The following LAMA3 variants were observed in gnomAD, a reference collection of about 807,000 sequenced individuals.
The protein encoded by LAMA3 is laminin subunit alpha 3.
A neutral mutation model predicts 402.0 loss-of-function variants in LAMA3; 281 were observed. The ratio of observed to expected loss-of-function variants is 0.70; its 90% CI spans 0.63 to 0.77. LAMA3 has a LOEUF of 0.77. LAMA3 is among the 30% of genes least tolerant of loss of function. LAMA3 has a pLI of 0.00. For missense variants in LAMA3, 3,840 were observed against 4,215.5 expected (o/e 0.91, Z 2.47); for synonymous variants, 1,431 against 1,558.4 (o/e 0.92, Z 1.93).
intron 11 of LAMA3, 95 bp from the exon 12 acceptor site, chr18:23,783,928 A>T: frequency 6.9e-7 from 1 of 1,455,848 alleles, no homozygotes; most frequent in Non-Finnish European, 9.6e-7. Flanking sequence ...ATAATTAATA[A>T]TCTATATTCC....
intron 42 of LAMA3, among the ~76,000 whole-genome samples, chr18:23,892,301 T>A (rs1320377103): frequency 6.6e-6 from 1 of 152,200 alleles, no homozygotes; most frequent in Non-Finnish European, 1.5e-5. Flanking sequence ...ATGAGGATAG[T>A]AACTATTTGT....
At chr18:23,810,876 G>A (rs1346378877) in intron 13 of LAMA3, among the ~76,000 whole-genome samples, 10 of 152,054 alleles carry the variant, frequency 6.6e-5, no homozygotes, top group Non-Finnish European at 1.5e-5. Flanking sequence ...GCCTTCTTTC[G>A]CTCCCAGCTT....
At position 23,689,936 on chromosome 18, in the gene LAMA3, G is replaced by A; in HGVS notation, c.253G>A (p.Val85Ile). The A allele has an allele frequency of 3.3e-6, 5 of 1,525,594 alleles. No individual in the cohort carries two copies. The highest frequency in any genetic ancestry group is 5.2e-5 in the East Asian group (2 of 38,444). 94.5% of individuals were successfully genotyped at this position (1,525,594 alleles called of 1,614,324 possible). Reference sequence around the variant, plus strand: ...CCAGCCCGAGCTCTACTGCAAGTTGGTCGGGGGCCCCACCGCCCCAGGCAG... The same window carrying A: ...CCAGCCCGAGCTCTACTGCAAGTTGATCGGGGGCCCCACCGCCCCAGGCAG... ...RPQPELYCKL[V>I]GGPTAPGSGH... The change falls in exon 1 of 75, where the codon GTC becomes ATC. Residue 85 changes from valine to isoleucine, a missense_variant. Transcript: ENST00000313654.
chr18:23,858,837 T>A lies in LAMA3; in HGVS notation c.4422+8T>A. 1 of 1,613,964 alleles carries A rather than the reference T, an allele frequency of 6.2e-7. No homozygotes were observed. The highest frequency in any genetic ancestry group is 1.1e-5 in the South Asian group (1 of 91,086). ...CATAAGCGAAGGACTAAGGTATGCA[T>A]TGACAGAAAGTGCTGGGGAACATTT... On this transcript the variant is annotated splice_region_variant and intron_variant, in intron 34 of 74. Coordinates refer to ENST00000313654, the MANE Select transcript of LAMA3 (RefSeq NM_198129.4).
chr18:23,912,986 G>A (rs528391156), intron 56 of LAMA3, 105 bp downstream of exon 56: 17 of 1,063,512 alleles, frequency 1.6e-5, no homozygotes, highest in African/African-American at 4.6e-5. Flanking sequence ...AGCACAGCAG[G>A]CAGAAATCCT....
intron 1 of LAMA3, among the ~76,000 whole-genome samples, chr18:23,709,215 C>A (rs1400255116): frequency 3.9e-5 from 6 of 152,044 alleles, no homozygotes; most frequent in Admixed American, 1.3e-4. Flanking sequence ...GGACTACAGG[C>A]AGGCACCACC....
At chr18:23,773,400 G>T (rs2062243933) in intron 8 of LAMA3, 97 bp from the exon 9 acceptor site, 2 of 806,022 alleles carry the variant, frequency 2.5e-6, no homozygotes, top group African/African-American at 1.7e-5. Flanking sequence ...AATTACAATT[G>T]TATATGACAG....
intron 64 of LAMA3, among the ~76,000 whole-genome samples, chr18:23,930,303 G>T (rs2082125531): frequency 1.3e-5 from 2 of 152,202 alleles, no homozygotes; most frequent in South Asian, 4.1e-4. Context: ...CAAAAATAAT[G>T]ACTAGGAAAT....
rs45567535 is a variant in LAMA3 at position 23,763,175 on chromosome 18, A to T, written c.1064-230A>T. 0.17 allele frequency among the ~76,000 whole-genome samples: 25,921 copies of T among 151,718 alleles called. 3,266 individuals carry two copies. Among genetic ancestry groups the T allele is most frequent in the East Asian group, 0.57 (2,921 of 5,124 alleles). On this transcript the variant is annotated intron_variant, in intron 7 of 74. Transcript: ENST00000313654. Reference sequence around the variant, plus strand: ...GCCTAGCCCCAAGTAGTATTTTTTTAAAAAAAGAGAAACTTCGCTCATGGA... The same window carrying T: ...GCCTAGCCCCAAGTAGTATTTTTTTTAAAAAAGAGAAACTTCGCTCATGGA...
chr18:23,903,399 T>C (rs979525904), intron 49 of LAMA3, among the ~76,000 whole-genome samples: 1 of 152,250 alleles, frequency 6.6e-6, no homozygotes, highest in African/African-American at 2.4e-5. Flanking sequence ...TTTTAAAATA[T>C]CAAGCATACA....
At chr18:23,821,105 T>C (rs531315236) in intron 19 of LAMA3, among the ~76,000 whole-genome samples, 4 of 152,372 alleles carry the variant, frequency 2.6e-5, no homozygotes, top group East Asian at 1.9e-4. Context: ...TCAAAGGGTA[T>C]ACCTTCTCAC....
chr18:23,897,959 G>T (rs1302377838), intron 44 of LAMA3, among the ~76,000 whole-genome samples: 1 of 152,124 alleles, frequency 6.6e-6, no homozygotes, highest in African/African-American at 2.4e-5. Context: ...GCAGACTAAG[G>T]GTTTGGACCT....
intron 50 of LAMA3, 78 bp downstream of exon 50, chr18:23,904,165 C>G: frequency 6.4e-7 from 1 of 1,561,338 alleles, no homozygotes; most frequent in South Asian, 1.1e-5. Context: ...CAAGGCCCTC[C>G]CCTGGGTTGG....
Position 23,951,728 on chromosome 18 carries a change from G to A in LAMA3, c.9687G>A (p.Ser3229=), listed in dbSNP as rs549859425. 23 of 1,613,892 alleles carry A rather than the reference G, an allele frequency of 1.4e-5. No homozygotes were observed. The highest frequency in any genetic ancestry group is 1.1e-4 in the African/African-American group (8 of 74,972). The part of the protein sequence containing the change: ...MDSGAGGTST[S]VTPKQSLCDG... ...GTGGGGCAGGTGGGACCTCAACGTC[G>A]GTCACACCAAAGCAGTCTCTGTGTG... Residue 3229 remains serine, a synonymous_variant, in exon 73 of 75, where the codon TCG becomes TCA. Transcript: ENST00000313654.
intron 32 of LAMA3, among the ~76,000 whole-genome samples, chr18:23,857,381 G>A (rs187412259): frequency 1.2e-4 from 19 of 152,298 alleles, no homozygotes; most frequent in African/African-American, 4.3e-4. Context: ...GTGATCTCCC[G>A]CTCTGTTCCT....
chr18:23,871,703 C>T (rs2064528476), intron 38 of LAMA3, 42 bp downstream of exon 38: 7 of 1,520,096 alleles, frequency 4.6e-6, no homozygotes, highest in Non-Finnish European at 6.3e-6. Context: ...TAGGGAGCTC[C>T]TGTGGCCGTT....
At chr18:23,876,631 A>G (rs577909108) in intron 39 of LAMA3, among the ~76,000 whole-genome samples, 1 of 152,238 alleles carries the variant, frequency 6.6e-6, no homozygotes, top group Non-Finnish European at 1.5e-5. Context: ...TGAGCAATTA[A>G]GTTACACTTT....
At chr18:23,808,770 GA>G (rs1406503896) in intron 12 of LAMA3, among the ~76,000 whole-genome samples, 5 of 152,170 alleles carry the variant, frequency 3.3e-5, no homozygotes, top group Admixed American at 3.3e-4. Context: ...CACTTTCAGA[GA>G]AATTCACCAT....
At position 23,826,569 on chromosome 18, in the gene LAMA3, C is replaced by G. The variant is rs1006844569; in HGVS notation, c.2572-133C>G. ...CGGTGAGTCGGGATGAAGAACAAAG[C>G]AGTTGATATGGAGAGTTTAACTAGC... is the stretch of plus-strand genomic sequence containing the variant. On this transcript the variant is annotated intron_variant, in intron 21 of 74. Transcript: ENST00000313654. The G allele has an allele frequency of 1.4e-5, 10 of 718,366 alleles. No homozygotes were observed. In the African/African-American group the frequency reaches 1.4e-4, roughly 10 times the overall value. 44.5% of individuals were successfully genotyped at this position (718,366 alleles called of 1,614,324 possible).
Sources: allele counts gnomAD v4.1 joint callset (sites outside exome capture counted in the v4.1 genomes callset), GRCh38; gene constraint gnomAD v4.1.1; transcripts MANE v1.5; gene names NCBI Gene and HGNC (gene_info 2026-07-23, HGNC 2026-07-21).